The following SFT2D2 variants were observed in gnomAD, a reference collection of about 807,000 sequenced individuals.
SFT2D2 encodes the protein SFT2 domain containing 2, also known as vesicle transport protein SFT2B.
SFT2D2 carries 21 observed loss-of-function variants against 27.4 expected under a neutral mutation model. The observed-to-expected ratio is 0.77, with a 90% CI of 0.54 to 1.10. The LOEUF (loss-of-function observed/expected upper bound fraction) is 1.10. Ranked by LOEUF, SFT2D2 falls within the 50% of genes least tolerant of loss-of-function variation. The pLI is 0.00. For synonymous variants in SFT2D2, 72 were observed against 71.7 expected (o/e 1.00, Z -0.02); for missense variants, 187 against 194.2 (o/e 0.96, Z 0.22).
chr1:168,226,718 G>A (rs1700464421), intron 1 of SFT2D2, among the ~76,000 whole-genome samples: 2 of 152,164 alleles, frequency 1.3e-5, no homozygotes, highest in Admixed American at 1.3e-4. Flanking sequence ...ATGAGGACAG[G>A]GACCACATCT....
chr1:168,231,008 G>A (rs1224750455), intron 1 of SFT2D2, among the ~76,000 whole-genome samples: 1 of 152,250 alleles, frequency 6.6e-6, no homozygotes, highest in Non-Finnish European at 1.5e-5. Flanking sequence ...TGAACCAAGA[G>A]TGAATAATGT....
chr1:168,230,325 C>T (rs765301425), intron 1 of SFT2D2, among the ~76,000 whole-genome samples: 1 of 152,176 alleles, frequency 6.6e-6, no homozygotes, highest in Non-Finnish European at 1.5e-5. Flanking sequence ...ACTATGCTGG[C>T]CATACAAGGT....
rs1647892629 is a variant in SFT2D2 at position 168,249,012 on chromosome 1, T to C, written c.*6472T>C. 1 of 152,210 alleles carries C rather than the reference T, an allele frequency of 6.6e-6. No individual in the cohort carries two copies. The highest frequency in any genetic ancestry group is 2.1e-4 in the South Asian group (1 of 4,824). The allele number at this position is 152,210 out of a possible 1,614,324, so 9.4% of individuals were successfully genotyped here. On this transcript the variant is annotated 3_prime_UTR_variant, in exon 8 of 8. Coordinates refer to ENST00000271375, the MANE Select transcript of SFT2D2 (RefSeq NM_199344.3). The stretch of plus-strand genomic sequence containing the variant: ...TTATTAGTCTGGCTAGCAGTCTATC[T>C]ATTTTGTTGATCTTTTCAAAAAACC...
chr1:168,236,658 T>G (rs751420240), intron 5 of SFT2D2, 34 bp downstream of exon 5: 2 of 1,613,820 alleles, frequency 1.2e-6, no homozygotes, highest in East Asian at 4.5e-5. Flanking sequence ...TTAACCATTT[T>G]GGCTTTTGCC....
intron 3 of SFT2D2, among the ~76,000 whole-genome samples, chr1:168,234,890 T>G (rs1296472880): frequency 1.3e-5 from 2 of 152,238 alleles, no homozygotes; most frequent in Non-Finnish European, 2.9e-5. Context: ...AAAGTAACTC[T>G]GTGGGCTTTG....
At position 168,247,227 on chromosome 1, in the gene SFT2D2, A is replaced by G. The variant is rs1238843260; in HGVS notation, c.*4687A>G. Reference sequence around the variant, plus strand: ...TCTTTTTTTATATGAGATTCTGGAAATACTTCTTTTTTTAAATTATACTTT... The same window carrying G: ...TCTTTTTTTATATGAGATTCTGGAAGTACTTCTTTTTTTAAATTATACTTT... On this transcript the variant is annotated 3_prime_UTR_variant, in exon 8 of 8. Transcript: ENST00000271375. The G allele has an allele frequency of 3.7e-6, 1 of 267,998 alleles. No individual in the cohort carries two copies. Among genetic ancestry groups the G allele is most frequent in the Non-Finnish European group, 7.3e-6 (1 of 137,854 alleles). The allele number at this position is 267,998 out of a possible 1,614,324, so 16.6% of individuals were successfully genotyped here.
chr1:168,235,583 C>A (rs1243165009), intron 4 of SFT2D2, among the ~76,000 whole-genome samples: 1 of 152,144 alleles, frequency 6.6e-6, no homozygotes, highest in Admixed American at 6.5e-5. Context: ...TATAGAATGG[C>A]CTCTTTATTC....
intron 7 of SFT2D2, among the ~76,000 whole-genome samples, chr1:168,242,011 TG>T (rs1365433886): frequency 6.6e-6 from 1 of 152,172 alleles, no homozygotes; most frequent in Non-Finnish European, 1.5e-5. Context: ...CCCTCTACAC[TG>T]AATTCCAAGC....
rs12096260 is a variant in SFT2D2, at chr1:168,240,679, T to C, written c.443+1519T>C. 8.3e-3 allele frequency among the ~76,000 whole-genome samples: 1,258 copies of C among 152,212 alleles called. 15 individuals carry two copies. The highest frequency in any genetic ancestry group is 0.029 in the African/African-American group (1,190 of 41,524). The stretch of plus-strand genomic sequence containing the variant: ...CTATAATCCCAGCACATTGGGAGGC[T>C]GAGGTGTGCGGATCACGAGGTCAGG... On this transcript the variant is annotated intron_variant, in intron 7 of 7. Transcript: ENST00000271375.
chr1:168,226,967 C>T (rs1700468078), intron 1 of SFT2D2, among the ~76,000 whole-genome samples: 1 of 152,018 alleles, frequency 6.6e-6, no homozygotes, highest in African/African-American at 2.4e-5. Flanking sequence ...TTACAGACAC[C>T]CGCCATCAAA....
Position 168,246,075 on chromosome 1 carries a change from C to G in SFT2D2, c.*3535C>G, listed in dbSNP as rs1279915220. On this transcript the variant is annotated 3_prime_UTR_variant, in exon 8 of 8. Transcript: ENST00000271375. ...AGCTTTTGTTGTTGATTGTTTAGGACGTCACCCTGTTTTTGTTGAAGTTGT... is the reference window on the plus strand; with the variant it reads ...AGCTTTTGTTGTTGATTGTTTAGGAGGTCACCCTGTTTTTGTTGAAGTTGT... The G allele has an allele frequency of 4.3e-6, 1 of 233,936 alleles. No homozygotes were observed. The highest frequency in any genetic ancestry group is 8.5e-6 in the Non-Finnish European group (1 of 117,500). The allele number at this position is 233,936 out of a possible 1,614,324, so 14.5% of individuals were successfully genotyped here. A position where few individuals can be genotyped will look rare whatever the true frequency, so the allele number is the denominator to read the frequency against.
Position 168,252,592 on chromosome 1 carries a change from A to C in SFT2D2, c.*10052A>C, listed in dbSNP as rs1217349175. 3 of 152,088 alleles carry C rather than the reference A, an allele frequency of 2.0e-5. No homozygotes were observed. Among genetic ancestry groups the C allele is most frequent in the African/African-American group, 7.3e-5 (3 of 41,364 alleles). 9.4% of individuals were successfully genotyped at this position (152,088 alleles called of 1,614,324 possible). On this transcript the variant is annotated 3_prime_UTR_variant, in exon 8 of 8. Transcript: ENST00000271375. ...TGTGTTTGCAACCTTAAGTAAGGAA[A>C]GGGAAAAAAAAAATAGCCCTCTGAA... is the stretch of plus-strand genomic sequence containing the variant.
At chr1:168,242,451 G>A (rs749908973) in intron 7 of SFT2D2, 50 bp from the exon 8 acceptor site, 1 of 1,610,744 alleles carries the variant, frequency 6.2e-7, no homozygotes, top group Non-Finnish European at 8.5e-7. Flanking sequence ...CTAAAGGAGT[G>A]CCTTTGGGGT....
Position 168,242,378 on chromosome 1 carries a change from TGTGAAGG to T in SFT2D2, c.444-122_444-116del. On this transcript the variant is annotated intron_variant, in intron 7 of 7. Coordinates refer to ENST00000271375, the MANE Select transcript of SFT2D2 (RefSeq NM_199344.3). ...AAATGTTGAAGCTGCAGTTTGATGC[TGTGAAGG>T]TCTGATCTTTCAGTCTAGGTGCTTT... The T allele has an allele frequency of 4.1e-6, 4 of 986,558 alleles. No individual in the cohort carries two copies. In the East Asian group the frequency reaches 9.6e-5, roughly 24 times the overall value. 61.1% of individuals were successfully genotyped at this position (986,558 alleles called of 1,614,324 possible).
chr1:168,235,301 C>T (rs780175877), intron 4 of SFT2D2, 119 bp downstream of exon 4: 1 of 946,334 alleles, frequency 1.1e-6, no homozygotes, highest in Non-Finnish European at 1.7e-6. Context: ...TGACTTATTA[C>T]CCTATTCCTA....
Position 168,242,677 on chromosome 1 carries a change from C to A in SFT2D2, c.*137C>A. The A allele has an allele frequency of 1.9e-6, 2 of 1,034,896 alleles. No homozygotes were observed. The highest frequency in any genetic ancestry group is 1.5e-6 in the Non-Finnish European group (1 of 665,648). The allele number at this position is 1,034,896 out of a possible 1,614,324, so 64.1% of individuals were successfully genotyped here. ...AGCAATGTGTTGCTTGTGATTCGAA[C>A]ATTTGAGGGTTACTTTTGGAAGCAA... On this transcript the variant is annotated 3_prime_UTR_variant, in exon 8 of 8. Transcript: ENST00000271375.
intron 2 of SFT2D2, 36 bp downstream of exon 2, chr1:168,231,636 A>G: frequency 6.3e-7 from 1 of 1,597,026 alleles, no homozygotes; most frequent in Non-Finnish European, 8.6e-7. Flanking sequence ...TTTTCCTTCT[A>G]CCTGTCTTTG....
In SFT2D2 at chr1:168,243,770, T is replaced by A; in HGVS notation, c.*1230T>A. 1 of 152,794 alleles carries A rather than the reference T, an allele frequency of 6.5e-6. No homozygotes were observed. Among genetic ancestry groups the A allele is most frequent in the East Asian group, 1.9e-4 (1 of 5,206 alleles). 9.5% of individuals were successfully genotyped at this position (152,794 alleles called of 1,614,324 possible). On this transcript the variant is annotated 3_prime_UTR_variant, in exon 8 of 8. Coordinates refer to ENST00000271375, the MANE Select transcript of SFT2D2 (RefSeq NM_199344.3). The stretch of plus-strand genomic sequence containing the variant: ...TGACCCCAGAGTTTCCTGGCCTGTT[T>A]CTGGTTGTGCCTCCTGTAACTGCCT...
Position 168,226,066 on chromosome 1 carries a change from G to C in SFT2D2, c.-14G>C. 6.6e-7 allele frequency: 1 copy of C among 1,519,708 alleles called. No homozygotes were observed. The highest frequency in any genetic ancestry group is 8.8e-7 in the Non-Finnish European group (1 of 1,132,092). The allele number at this position is 1,519,708 out of a possible 1,614,324, so 94.1% of individuals were successfully genotyped here. A position where few individuals can be genotyped will look rare whatever the true frequency, so the allele number is the denominator to read the frequency against. On this transcript the variant is annotated 5_prime_UTR_variant, in exon 1 of 8. Transcript: ENST00000271375. ...TGCCGCTGAGGAGCTGGAGCTGGTG[G>C]GGACTGGGCCGCAATGGACAAGCTG...
Sources: allele counts gnomAD v4.1 joint callset (sites outside exome capture counted in the v4.1 genomes callset), GRCh38; gene constraint gnomAD v4.1.1; transcripts MANE v1.5; gene names NCBI Gene and HGNC (gene_info 2026-07-23, HGNC 2026-07-21).